The following GRIN2D variants were observed in gnomAD, a reference collection of about 807,000 sequenced individuals.
GRIN2D encodes glutamate receptor ionotropic, NMDA 2D.
GRIN2D carries 37 observed loss-of-function variants against 103.2 expected under a neutral mutation model. That is an observed-to-expected ratio of 0.36 (90% CI 0.28 to 0.47). The LOEUF (loss-of-function observed/expected upper bound fraction) is 0.47. Among genes scored for constraint, GRIN2D ranks in the 20% least tolerant of loss-of-function variants. GRIN2D has a pLI of 1.00. For missense variants in GRIN2D, 1,557 were observed against 1,910.6 expected, an observed-to-expected ratio of 0.81 and a Z score of 3.45; for synonymous variants, 845 against 885.6, an observed-to-expected ratio of 0.95 and a Z score of 0.81.
At chr19:48,437,142 G>C (rs1971242153) in intron 11 of GRIN2D, among the ~76,000 whole-genome samples, 1 of 152,036 alleles carries the variant, frequency 6.6e-6, no homozygotes, top group African/African-American at 2.4e-5. Flanking sequence ...TTGTTTTCGA[G>C]ACAGGGTCTC....
intron 11 of GRIN2D, among the ~76,000 whole-genome samples, chr19:48,435,002 A>G (rs540726150): frequency 3.5e-4 from 54 of 152,300 alleles, no homozygotes; most frequent in African/African-American, 1.3e-3. Flanking sequence ...TTGAACTTCT[A>G]TTAGCCATAA....
At chr19:48,412,421 A>AAAAAGAAAGAAAG (rs1396930362) in intron 4 of GRIN2D, among the ~76,000 whole-genome samples, 2 of 123,330 alleles carry the variant, frequency 1.6e-5, no homozygotes, top group African/African-American at 6.2e-5. Flanking sequence ...AAAGAGAAAG[A>AAAAAGAAAGAAAG]AAAGAAAGAA....
At chr19:48,408,958 T>A (rs1330000980) in intron 4 of GRIN2D, among the ~76,000 whole-genome samples, 1 of 152,176 alleles carries the variant, frequency 6.6e-6, no homozygotes, top group East Asian at 1.9e-4. Context: ...CTGTTTTGTG[T>A]TGCTATGACA....
At position 48,419,307 on chromosome 19, in the gene GRIN2D, C is replaced by G; in HGVS notation, c.1809C>G (p.Ile603Met). 2 of 1,610,544 alleles carry G rather than the reference C, an allele frequency of 1.2e-6. No individual in the cohort carries two copies. Among genetic ancestry groups the G allele is most frequent in the Non-Finnish European group, 1.7e-6 (2 of 1,179,710 alleles). ...CTGTGGTCGCCGTCACTGTTTTCATCTTCGAGTACCTCAGTCCTGTTGGTT... is the reference window on the plus strand; with the variant it reads ...CTGTGGTCGCCGTCACTGTTTTCATGTTCGAGTACCTCAGTCCTGTTGGTT... ...CLTVVAVTVFIFEYLSPVGYN... is the reference protein window; with the variant it reads ...CLTVVAVTVFMFEYLSPVGYN... The change falls in exon 9 of 14, where the codon ATC (isoleucine) becomes ATG (methionine). Residue 603 changes from isoleucine (I) to methionine (M), a missense_variant. Around this residue, in one of 7 missense-constraint regions of GRIN2D, gnomAD observed 197 missense variants for 334.1 expected, o/e 0.59. Transcript: ENST00000263269.
chr19:48,415,286 G>A (rs1970931161), intron 7 of GRIN2D, among the ~76,000 whole-genome samples: 1 of 152,058 alleles, frequency 6.6e-6, no homozygotes, highest in South Asian at 2.1e-4. Context: ...CAGGAGAATT[G>A]CTTGAACCCG....
intron 11 of GRIN2D, 39 bp from the exon 12 acceptor site, chr19:48,441,730 G>T (rs1448831818): frequency 6.4e-7 from 1 of 1,560,482 alleles, no homozygotes; most frequent in Non-Finnish European, 8.7e-7. Flanking sequence ...AGGGCATCTA[G>T]GTGGGACTGA....
At chr19:48,409,616 A>T (rs1028520795) in intron 4 of GRIN2D, among the ~76,000 whole-genome samples, 1 of 151,836 alleles carries the variant, frequency 6.6e-6, no homozygotes, top group South Asian at 2.1e-4. Flanking sequence ...CAGACATCCA[A>T]ATCATAGCTT....
chr19:48,396,473 G>C (rs1970642216), intron 2 of GRIN2D, among the ~76,000 whole-genome samples: 1 of 152,012 alleles, frequency 6.6e-6, no homozygotes, highest in East Asian at 1.9e-4. Context: ...GCTGGAGGGT[G>C]AGCAGCCACT....
intron 8 of GRIN2D, among the ~76,000 whole-genome samples, chr19:48,417,230 A>G (rs1022795735): frequency 6.6e-6 from 1 of 152,088 alleles, no homozygotes; most frequent in Non-Finnish European, 1.5e-5. Flanking sequence ...ACAGAGCCAG[A>G]CCCTATCTCT....
chr19:48,423,784 G>A (rs1971052069), intron 11 of GRIN2D, among the ~76,000 whole-genome samples: 1 of 152,058 alleles, frequency 6.6e-6, no homozygotes, highest in African/African-American at 2.4e-5. Flanking sequence ...TTGAGGTGTG[G>A]AGATTTTACG....
intron 11 of GRIN2D, among the ~76,000 whole-genome samples, chr19:48,424,265 A>ATTTTT (rs569050730): frequency 4.9e-5 from 5 of 101,380 alleles, no homozygotes; most frequent in African/African-American, 5.2e-5. Context: ...AAAAAAAAAA[A>ATTTTT]TTTTTTTTTT....
rs1970599553 is a variant in GRIN2D, at chr19:48,394,059, G to T, written c.-306+191G>T. The stretch of plus-strand genomic sequence containing the variant: ...ACCCAGATGGATGGTGTGTACCTGG[G>T]TTCTGTGCCTCCTGCCTGCGTCCGG... On this transcript the variant is annotated intron_variant, in intron 1 of 13. Transcript: ENST00000263269. The surrounding 1 kb of genome is among the most constrained non-coding windows in gnomAD (Gnocchi z 5.1). Among the ~76,000 whole-genome samples, 1 of 152,120 alleles carries T rather than the reference G, an allele frequency of 6.6e-6. No homozygotes were observed. Among genetic ancestry groups the T allele is most frequent in the African/African-American group, 2.4e-5 (1 of 41,416 alleles).
At position 48,425,067 on chromosome 19, in the gene GRIN2D, A is replaced by G. The variant is rs188704706; in HGVS notation, c.2252+3122A>G. ...CTCACACAAAACAGGGTGCCTTTCCAGGCTGCCACCTCCCACCTCTGCTTC... is the reference window on the plus strand; with the variant it reads ...CTCACACAAAACAGGGTGCCTTTCCGGGCTGCCACCTCCCACCTCTGCTTC... On this transcript the variant is annotated intron_variant, in intron 11 of 13. Transcript: ENST00000263269. 2.9e-3 allele frequency among the ~76,000 whole-genome samples: 439 copies of G among 151,522 alleles called. 2 individuals are homozygous for G. The highest frequency in any genetic ancestry group is 0.01 in the African/African-American group (414 of 41,278).
At position 48,443,208 on chromosome 19, in the gene GRIN2D, C is replaced by CCCGTG; in HGVS notation, c.3286_3290dup (p.Pro1101ArgfsTer419). On this transcript the variant is annotated frameshift_variant, in exon 14 of 14. Transcript: ENST00000263269. LOFTEE classifies it high-confidence loss of function. This position sits in a 1 kb window ranked among gnomAD's most constrained non-coding sequence, Gnocchi z 8.9. ...GCGGAGGAGCCCCGGCCGCTCCGCC[C>CCCGTG]CCGTGCCGCGCCGCGCCGCCCCCGT... 1.6e-6 allele frequency: 2 copies of CCCGTG among 1,268,798 alleles called. No homozygotes were observed. Among genetic ancestry groups the CCCGTG allele is most frequent in the Non-Finnish European group, 2.0e-6 (2 of 993,724 alleles). The allele number at this position is 1,268,798 out of a possible 1,614,324, so 78.6% of individuals were successfully genotyped here.
rs1346864518 is a variant in GRIN2D, at chr19:48,443,209, C to G, written c.3283C>G (p.Pro1095Ala). ...CGGAGGAGCCCCGGCCGCTCCGCCCCCGTGCCGCGCCGCGCCGCCCCCGTG... is the reference window on the plus strand; with the variant it reads ...CGGAGGAGCCCCGGCCGCTCCGCCCGCGTGCCGCGCCGCGCCGCCCCCGTG... ...AGGGAPAAPP[P>A]CRAAPPPCPY... Residue 1095 changes from proline to alanine, a missense_variant, in exon 14 of 14, where the codon CCG becomes GCG. Transcript: ENST00000263269. This position sits in a 1 kb window ranked among gnomAD's most constrained non-coding sequence, Gnocchi z 8.9. 5 of 1,269,790 alleles carry G rather than the reference C, an allele frequency of 3.9e-6. No individual in the cohort carries two copies. The highest frequency in any genetic ancestry group is 4.0e-6 in the Non-Finnish European group (4 of 994,096). 78.7% of individuals were successfully genotyped at this position (1,269,790 alleles called of 1,614,324 possible). A position where few individuals can be genotyped will look rare whatever the true frequency, so the allele number is the denominator to read the frequency against.
At chr19:48,401,212 T>A (rs1970707297) in intron 3 of GRIN2D, among the ~76,000 whole-genome samples, 1 of 151,878 alleles carries the variant, frequency 6.6e-6, no homozygotes, top group Admixed American at 6.6e-5. Context: ...TGAGAGCTGA[T>A]TCTGTGCCAG....
intron 11 of GRIN2D, among the ~76,000 whole-genome samples, chr19:48,426,495 G>T (rs1320845255): frequency 6.6e-6 from 1 of 150,846 alleles, no homozygotes; most frequent in Non-Finnish European, 1.5e-5. Flanking sequence ...AAAAGAGCTG[G>T]GATTACAGGC....
chr19:48,432,448 A>G (rs1417622971), intron 11 of GRIN2D, among the ~76,000 whole-genome samples: 1 of 151,808 alleles, frequency 6.6e-6, no homozygotes, highest in Non-Finnish European at 1.5e-5. Context: ...TTTTATGTAC[A>G]ATATCTCCCT....
At chr19:48,419,111 T>C in intron 8 of GRIN2D, 123 bp from the exon 9 acceptor site, 1 of 742,250 alleles carries the variant, frequency 1.3e-6, no homozygotes, top group Non-Finnish European at 2.1e-6. Flanking sequence ...ACTCCAGGCG[T>C]CAAGTGATCC....
Sources: allele counts gnomAD v4.1 joint callset (sites outside exome capture counted in the v4.1 genomes callset), GRCh38; gene constraint gnomAD v4.1.1; regional missense constraint gnomAD v4.1.1; non-coding constraint Gnocchi (gnomAD v3.1); transcripts MANE v1.5; gene names NCBI Gene and HGNC (gene_info 2026-07-23, HGNC 2026-07-21).